IMPG1: variants seen among roughly 807,000 people sequenced by gnomAD.
The protein encoded by IMPG1 is interphotoreceptor matrix proteoglycan of 150 kDa.
In IMPG1, 85 loss-of-function variants were observed where a neutral mutation model predicts 92.0. The ratio of observed to expected loss-of-function variants is 0.92; its 90% CI spans 0.78 to 1.11. The LOEUF is 1.11. Ranked by LOEUF, IMPG1 falls within the 50% of genes least tolerant of loss-of-function variation. The pLI, the probability that IMPG1 is intolerant of heterozygous loss-of-function variation, is 0.00. For missense variants in IMPG1, 1,022 were observed against 956.0 expected (o/e 1.07, Z -0.91); for synonymous variants, 367 against 334.1 (o/e 1.10, Z -1.08).
intron 7 of IMPG1, among the ~76,000 whole-genome samples, chr6:76,013,799 T>C (rs1395614966): frequency 6.6e-6 from 1 of 152,242 alleles, no homozygotes; most frequent in Admixed American, 6.5e-5. Context: ...CAAAAATTAC[T>C]GCCAACTTTA....
At position 76,036,944 on chromosome 6, in the gene IMPG1, A is replaced by G. The variant is rs142548021; in HGVS notation, c.302-2157T>C. Among the ~76,000 whole-genome samples, 19 of 152,324 alleles carry G rather than the reference A, an allele frequency of 1.2e-4. No individual in the cohort carries two copies. The East Asian group carries it at 3.7e-3, about 29-fold the overall frequency. Reference sequence around the variant, plus strand: ...CAATGGAAAAGCATGCGAGGGGATTATATAGCTAAAAATTGTTTTAGGGGA... The same window carrying G: ...CAATGGAAAAGCATGCGAGGGGATTGTATAGCTAAAAATTGTTTTAGGGGA... On this transcript the variant is annotated intron_variant, in intron 2 of 16. Coordinates refer to ENST00000369950, the MANE Select transcript of IMPG1 (RefSeq NM_001563.4).
intron 4 of IMPG1, among the ~76,000 whole-genome samples, chr6:76,031,222 G>A (rs979305420): frequency 1.3e-5 from 2 of 152,256 alleles, no homozygotes; most frequent in Middle Eastern, 3.4e-3. Flanking sequence ...AGGTCCCAAA[G>A]CATTGTGTCT....
intron 12 of IMPG1, among the ~76,000 whole-genome samples, chr6:75,992,367 G>T (rs1346258297): frequency 2.6e-5 from 4 of 152,192 alleles, no homozygotes; most frequent in Admixed American, 2.0e-4. Context: ...TTCAACTCCA[G>T]CATGAAAAGA....
intron 12 of IMPG1, among the ~76,000 whole-genome samples, chr6:75,974,397 T>TTCCTTGC (rs1384914258): frequency 7.4e-5 from 6 of 81,188 alleles, no homozygotes; most frequent in African/African-American, 1.8e-4. Flanking sequence ...CTTTCTTTTC[T>TTCCTTGC]TTCTTTCCTT....
intron 12 of IMPG1, among the ~76,000 whole-genome samples, chr6:75,965,445 A>T (rs1782290589): frequency 6.6e-6 from 1 of 151,950 alleles, no homozygotes; most frequent in African/African-American, 2.4e-5. Context: ...CTTCCCTAAT[A>T]AATAAAAATC....
intron 12 of IMPG1, among the ~76,000 whole-genome samples, chr6:75,967,250 T>A (rs1201147098): frequency 6.6e-6 from 1 of 152,180 alleles, no homozygotes; most frequent in Non-Finnish European, 1.5e-5. Flanking sequence ...CATGGCAAGT[T>A]ATCCCTTGCT....
chr6:75,969,287 T>C (rs1782362389), intron 12 of IMPG1, among the ~76,000 whole-genome samples: 1 of 152,032 alleles, frequency 6.6e-6, no homozygotes, highest in African/African-American at 2.4e-5. Context: ...TAAAAATTGC[T>C]AAGAGAGGGG....
At chr6:76,061,411 T>C (rs978717623) in intron 1 of IMPG1, among the ~76,000 whole-genome samples, 3 of 152,198 alleles carry the variant, frequency 2.0e-5, no homozygotes, top group African/African-American at 7.2e-5. Flanking sequence ...TGCCTACCAT[T>C]AGGCAGCTAT....
chr6:76,022,188 AG>A lies in IMPG1; in HGVS notation c.593del (p.Pro198LeufsTer46), dbSNP rs1783443856. 1 of 1,595,284 alleles carries A rather than the reference AG, an allele frequency of 6.3e-7. No homozygotes were observed. Among genetic ancestry groups the A allele is most frequent in the African/African-American group, 1.3e-5 (1 of 74,364 alleles). On this transcript the variant is annotated frameshift_variant, in exon 6 of 17. Coordinates refer to ENST00000369950, the MANE Select transcript of IMPG1 (RefSeq NM_001563.4). LOFTEE classifies it high-confidence loss of function. ...DVANVSLGPF[P>X]LTPDDTLLNE... ...TGAGGAGGGTGTCATCAGGAGTGAG[AG>A]GGAAAGGCCCAAGTGAGACGTTGGC...
chr6:75,969,558 G>A (rs1474134504), intron 12 of IMPG1, among the ~76,000 whole-genome samples: 2 of 151,880 alleles, frequency 1.3e-5, no homozygotes, highest in African/African-American at 4.8e-5. Context: ...CCTGGCCAAC[G>A]TGGTGAAACC....
intron 12 of IMPG1, among the ~76,000 whole-genome samples, chr6:76,001,092 T>G (rs944076044): frequency 1.3e-5 from 2 of 152,256 alleles, no homozygotes; most frequent in Non-Finnish European, 2.9e-5. Context: ...CTCTAAGATT[T>G]CTTCCAGCTT....
At chr6:76,014,967 C>T (rs553475908) in intron 7 of IMPG1, among the ~76,000 whole-genome samples, 1 of 152,282 alleles carries the variant, frequency 6.6e-6, no homozygotes, top group Admixed American at 6.5e-5. Flanking sequence ...AAATAATCTT[C>T]TGGGGACCTT....
chr6:75,968,455 T>G (rs1782347420), intron 12 of IMPG1, among the ~76,000 whole-genome samples: 1 of 151,460 alleles, frequency 6.6e-6, no homozygotes, highest in African/African-American at 2.4e-5. Context: ...AAAATTCTAC[T>G]TTTGTGAAGA....
At chr6:76,000,735 C>A (rs1782972485) in intron 12 of IMPG1, among the ~76,000 whole-genome samples, 1 of 152,160 alleles carries the variant, frequency 6.6e-6, no homozygotes, top group South Asian at 2.1e-4. Flanking sequence ...AGGAAGTCAT[C>A]TGTGACTTTT....
At chr6:76,015,145 T>C (rs1389065376) in intron 7 of IMPG1, among the ~76,000 whole-genome samples, 2 of 152,218 alleles carry the variant, frequency 1.3e-5, no homozygotes, top group African/African-American at 4.8e-5. Flanking sequence ...GGAGAAAGCA[T>C]TCAGACAACA....
intron 12 of IMPG1, among the ~76,000 whole-genome samples, chr6:75,981,936 G>GTTTT (rs1782634430): frequency 6.6e-6 from 1 of 152,150 alleles, no homozygotes; most frequent in African/African-American, 2.4e-5. Flanking sequence ...ATTTACAAAA[G>GTTTT]GTACTTGAGC....
At chr6:75,932,458 A>G (rs2149450747) in intron 14 of IMPG1, among the ~76,000 whole-genome samples, 1 of 152,278 alleles carries the variant, frequency 6.6e-6, no homozygotes, top group African/African-American at 2.4e-5. Context: ...TTCAAGGAAC[A>G]CCCAAAACTT....
At chr6:76,035,065 A>G (rs1783716781) in intron 2 of IMPG1, among the ~76,000 whole-genome samples, 2 of 151,948 alleles carry the variant, frequency 1.3e-5, no homozygotes, top group African/African-American at 2.4e-5. Flanking sequence ...GTGGTTGAGG[A>G]AGACCTCACT....
At chr6:75,994,237 T>C (rs1042255365) in intron 12 of IMPG1, among the ~76,000 whole-genome samples, 2 of 152,164 alleles carry the variant, frequency 1.3e-5, no homozygotes, top group African/African-American at 2.4e-5. Context: ...TAAATCAGGA[T>C]GTGTAGGAGG....
Sources: gnomAD v4.1 joint callset for allele counts (sites outside exome capture counted in the v4.1 genomes callset) on GRCh38, gnomAD v4.1.1 for gene constraint, MANE v1.5 for transcripts, NCBI Gene and HGNC (gene_info 2026-07-23, HGNC 2026-07-21) for gene names.